Variants in MACF1 observed in about 807,000 individuals in gnomAD.
MACF1 encodes microtubule actin crosslinking factor 1.
A neutral mutation model predicts 854.8 loss-of-function variants in MACF1; 193 were observed. The ratio of observed to expected loss-of-function variants is 0.23; its 90% CI spans 0.20 to 0.25. MACF1 has a LOEUF of 0.25. Ranked by LOEUF, MACF1 falls within the 10% of genes least tolerant of loss-of-function variation. MACF1 has a pLI of 1.00. For synonymous variants in MACF1, 3,185 were observed against 3,226.7 expected (o/e 0.99, Z 0.44); for missense variants, 7,722 against 8,929.1 (o/e 0.86, Z 5.45).
At chr1:39,220,660 T>G (rs746242562) in intron 1 of MACF1, among the ~76,000 whole-genome samples, 6 of 151,058 alleles carry the variant, frequency 4.0e-5, no homozygotes, top group Non-Finnish European at 7.4e-5. Flanking sequence ...TTTTTGTCTT[T>G]TTTTGGGTAG....
chr1:39,396,347 A>G (rs1451684806), intron 58 of MACF1, among the ~76,000 whole-genome samples: 2 of 152,022 alleles, frequency 1.3e-5, no homozygotes, highest in African/African-American at 2.4e-5. Flanking sequence ...CAACAAACAA[A>G]TATATCTGTA....
chr1:39,412,952 T>C, intron 58 of MACF1: 5 of 1,596,758 alleles, frequency 3.1e-6, no homozygotes, highest in Non-Finnish European at 3.4e-6. Context: ...GAGGAGGATG[T>C]CACAGCTGCT....
At chr1:39,425,127 C>T (rs1643682146) in intron 61 of MACF1, among the ~76,000 whole-genome samples, 2 of 152,172 alleles carry the variant, frequency 1.3e-5, no homozygotes, top group Admixed American at 6.5e-5. Context: ...GTTTCCTAGG[C>T]TTAAAACCTC....
chr1:39,137,727 AT>A (rs1643215162), intron 2 of MACF1, among the ~76,000 whole-genome samples: 1 of 152,188 alleles, frequency 6.6e-6, no homozygotes, highest in Non-Finnish European at 1.5e-5. Context: ...GGATTGCTCA[AT>A]TAAAAGTATT....
At chr1:39,187,148 G>A (rs1644184625) in intron 2 of MACF1, among the ~76,000 whole-genome samples, 1 of 151,926 alleles carries the variant, frequency 6.6e-6, no homozygotes, top group African/African-American at 2.4e-5. Flanking sequence ...TCAGATTATT[G>A]TGATTATATA....
At position 39,431,327 on chromosome 1, in the gene MACF1, A is replaced by G. The variant is rs576984899; in HGVS notation, c.17337+419A>G. Among the ~76,000 whole-genome samples the G allele has an allele frequency of 1.5e-3, 225 of 152,376 alleles. 1 individual carries two copies. Among genetic ancestry groups the G allele is most frequent in the African/African-American group, 5.0e-3 (210 of 41,594 alleles). ...ATATGCAAACCAAAATAGCAGAGCTATCTAAAATAGAACCTTCTCAGTAAA... is the reference window on the plus strand; with the variant it reads ...ATATGCAAACCAAAATAGCAGAGCTGTCTAAAATAGAACCTTCTCAGTAAA... On this transcript the variant is annotated intron_variant, in intron 66 of 100. Transcript: ENST00000564288.
chr1:39,113,286 A>G (rs1013436951), intron 2 of MACF1, among the ~76,000 whole-genome samples: 2 of 152,140 alleles, frequency 1.3e-5, no homozygotes, highest in Non-Finnish European at 2.9e-5. Flanking sequence ...GAGCTTATTC[A>G]TGGTTGTTGA....
In MACF1 at chr1:39,148,387, T is replaced by G. The variant is rs185349456; in HGVS notation, c.220+63949T>G. 2.0e-3 allele frequency among the ~76,000 whole-genome samples: 300 copies of G among 152,286 alleles called. 1 individual carries two copies. Among genetic ancestry groups the G allele is most frequent in the South Asian group, 3.7e-3 (18 of 4,820 alleles). On this transcript the variant is annotated intron_variant, in intron 2 of 93. Coordinates refer to the MACF1 transcript ENST00000361689. ...TGTGGCAGAATCTCCCCTCCCCTTT[T>G]TACTTCATAAAATATTCATGTTTGT... is the stretch of plus-strand genomic sequence containing the variant.
At chr1:39,193,437 A>G (rs903070807) in intron 2 of MACF1, among the ~76,000 whole-genome samples, 59 of 152,312 alleles carry the variant, frequency 3.9e-4, no homozygotes, top group African/African-American at 1.4e-3. Context: ...TCAATACCAC[A>G]CATTACTTTC....
chr1:39,481,720 G>C (rs1645015274), intron 99 of MACF1, among the ~76,000 whole-genome samples: 1 of 152,196 alleles, frequency 6.6e-6, no homozygotes, highest in South Asian at 2.1e-4. Flanking sequence ...AATAAAACAT[G>C]GACTAGTGGC....
At chr1:39,453,297 A>G (rs191134748) in intron 87 of MACF1, among the ~76,000 whole-genome samples, 6 of 152,256 alleles carry the variant, frequency 3.9e-5, no homozygotes, top group African/African-American at 7.2e-5. Flanking sequence ...ATTTGTTATT[A>G]TATTCTGTTA....
At chr1:39,269,420 A>G in intron 6 of MACF1, 3 of 1,289,794 alleles carry the variant, frequency 2.3e-6, no homozygotes, top group Non-Finnish European at 3.0e-6. Context: ...GGATTATAGA[A>G]TGTTCTGTTT....
chr1:39,229,054 G>A (rs1345198768), intron 1 of MACF1, among the ~76,000 whole-genome samples: 1 of 152,222 alleles, frequency 6.6e-6, no homozygotes, highest in African/African-American at 2.4e-5. Context: ...TTGGTACTTT[G>A]TCTTATGAAT....
At chr1:39,359,630 C>T (rs889230684) in intron 47 of MACF1, among the ~76,000 whole-genome samples, 1 of 152,012 alleles carries the variant, frequency 6.6e-6, no homozygotes, top group African/African-American at 2.4e-5. Context: ...GCCCATGCTT[C>T]AAGATGTAGC....
chr1:39,345,857 C>T (rs972533731), intron 40 of MACF1, among the ~76,000 whole-genome samples: 5 of 151,540 alleles, frequency 3.3e-5, no homozygotes, highest in African/African-American at 7.3e-5. Flanking sequence ...CACTTGAGGC[C>T]GGGAGTTCGA....
intron 2 of MACF1, among the ~76,000 whole-genome samples, chr1:39,102,280 G>T (rs434997): frequency 0.99 from 150,854 of 152,212 alleles, 74,760 homozygotes; most frequent in East Asian, 1. Context: ...TGCCAGATCA[G>T]TTGCTAGGTG....
Position 39,337,356 on chromosome 1 carries a change from C to G in MACF1, c.10215+25C>G, listed in dbSNP as rs745564830. 4 of 1,608,902 alleles carry G rather than the reference C, an allele frequency of 2.5e-6. No individual in the cohort carries two copies. In the South Asian group the frequency reaches 4.4e-5, roughly 18 times the overall value. On this transcript the variant is annotated intron_variant, in intron 38 of 100. Transcript: ENST00000564288. Reference sequence around the variant, plus strand: ...GGTAGGTTCCCAGAGACTTCCACCACAGACACCAGCTTCAAGATAGCTGCC... The same window carrying G: ...GGTAGGTTCCCAGAGACTTCCACCAGAGACACCAGCTTCAAGATAGCTGCC...
intron 68 of MACF1, among the ~76,000 whole-genome samples, chr1:39,433,889 G>T (rs1433543568): frequency 6.6e-6 from 1 of 152,134 alleles, no homozygotes; most frequent in African/African-American, 2.4e-5. Context: ...AGACCAGCCT[G>T]GCCAACATGG....
At chr1:39,474,392 AAAT>A (rs1020196058) in intron 97 of MACF1, among the ~76,000 whole-genome samples, 1 of 151,646 alleles carries the variant, frequency 6.6e-6, no homozygotes, top group Non-Finnish European at 1.5e-5. Flanking sequence ...CTGTCGCAAA[AAAT>A]AATAATAAAT....
Sources: allele counts gnomAD v4.1 joint callset (sites outside exome capture counted in the v4.1 genomes callset), GRCh38; gene constraint gnomAD v4.1.1; transcripts MANE v1.5; gene names NCBI Gene and HGNC (gene_info 2026-07-23, HGNC 2026-07-21).